The following ACACA variants were observed in gnomAD, a reference collection of about 807,000 sequenced individuals.
The protein encoded by ACACA is acetyl-CoA carboxylase 1.
A neutral mutation model predicts 296.1 loss-of-function variants in ACACA; 103 were observed. That is an observed-to-expected ratio of 0.35 (90% CI 0.30 to 0.41). The LOEUF (loss-of-function observed/expected upper bound fraction) is 0.41. Among genes scored for constraint, ACACA ranks in the 10% least tolerant of loss-of-function variants. The probability of loss-of-function intolerance (pLI) is 1.00; values close to 1 mark genes in which losing one functional copy is unlikely to be tolerated. For missense variants in ACACA, 1,554 were observed against 2,989.7 expected, an observed-to-expected ratio of 0.52 and a Z score of 11.20; for synonymous variants, 953 against 1,038.6, an observed-to-expected ratio of 0.92 and a Z score of 1.58.
intron 1 of ACACA, among the ~76,000 whole-genome samples, chr17:37,349,027 G>A (rs1035046522): frequency 6.6e-5 from 10 of 151,226 alleles, no homozygotes; most frequent in African/African-American, 2.4e-4. Flanking sequence ...TTGGATAAAG[G>A]GTTTTCAGAA....
chr17:37,357,066 T>A (rs2049176348), intron 1 of ACACA, among the ~76,000 whole-genome samples: 1 of 152,234 alleles, frequency 6.6e-6, no homozygotes, highest in Non-Finnish European at 1.5e-5. Context: ...GCTTTCACAA[T>A]ACCAGGTCTT....
intron 1 of ACACA, among the ~76,000 whole-genome samples, chr17:37,360,676 T>TA (rs1204056973): frequency 1.3e-5 from 2 of 150,488 alleles, no homozygotes; most frequent in Non-Finnish European, 3.0e-5. Context: ...ACCCCATCTC[T>TA]AAATAAATAA....
Position 37,202,858 on chromosome 17 carries a change from A to G in ACACA, c.4057-2375T>C, listed in dbSNP as rs534201285. 3.0e-4 allele frequency among the ~76,000 whole-genome samples: 46 copies of G among 151,314 alleles called. 1 individual carries two copies. The South Asian group carries it at 9.4e-3, about 31-fold the overall frequency. ...TTTCTAAATAGCCTTAGGCAAAGAT[A>G]TTGGATTTCTCTGTGCCTTAGTTTC... On this transcript the variant is annotated intron_variant, in intron 33 of 55. Transcript: ENST00000616317.
chr17:37,109,993 C>T (rs1049022459), intron 52 of ACACA, among the ~76,000 whole-genome samples: 5 of 150,956 alleles, frequency 3.3e-5, no homozygotes, highest in East Asian at 1.9e-4. Flanking sequence ...AAATGGAGTG[C>T]GCGAAATATC....
intron 11 of ACACA, among the ~76,000 whole-genome samples, chr17:37,263,376 A>G (rs540294852): frequency 6.6e-6 from 1 of 152,346 alleles, no homozygotes; most frequent in Admixed American, 6.5e-5. Flanking sequence ...CTACCTGATT[A>G]TGAGCCTCTT....
intron 3 of ACACA, among the ~76,000 whole-genome samples, chr17:37,315,087 T>A (rs1289617045): frequency 6.6e-6 from 1 of 150,558 alleles, no homozygotes; most frequent in Admixed American, 6.7e-5. Context: ...GCCTCCCGAG[T>A]AGCTGGGATT....
intron 1 of ACACA, chr17:37,378,073 T>C: frequency 1.9e-6 from 2 of 1,031,184 alleles, no homozygotes; most frequent in Non-Finnish European, 2.9e-6. Flanking sequence ...AAATATCCTA[T>C]TTTAAGGATA....
intron 3 of ACACA, 61 bp from the exon 4 acceptor site, chr17:37,285,031 T>C: frequency 1.9e-6 from 3 of 1,597,298 alleles, no homozygotes; most frequent in Non-Finnish European, 2.6e-6. Flanking sequence ...TGCTTTTCAC[T>C]ACCATACCCA....
chr17:37,285,202 T>C (rs2082712260), intron 3 of ACACA, among the ~76,000 whole-genome samples: 3 of 152,200 alleles, frequency 2.0e-5, no homozygotes, highest in South Asian at 4.1e-4. Context: ...TACCAGCAGA[T>C]GCCATCACAA....
intron 3 of ACACA, among the ~76,000 whole-genome samples, chr17:37,309,712 G>A (rs2084043460): frequency 6.6e-6 from 1 of 152,056 alleles, no homozygotes; most frequent in African/African-American, 2.4e-5. Context: ...GCAAATGGAA[G>A]TTGACAGAAG....
At chr17:37,349,715 C>T (rs1385740995) in intron 1 of ACACA, among the ~76,000 whole-genome samples, 1 of 151,588 alleles carries the variant, frequency 6.6e-6, no homozygotes, top group Non-Finnish European at 1.5e-5. Flanking sequence ...CACCACTTCA[C>T]CCAGCTAGTT....
At chr17:37,285,177 G>T (rs1443636446) in intron 3 of ACACA, among the ~76,000 whole-genome samples, 3 of 152,114 alleles carry the variant, frequency 2.0e-5, no homozygotes, top group African/African-American at 7.2e-5. Flanking sequence ...AATAATAAAA[G>T]ATAATATCAA....
chr17:37,198,825 G>C (rs1007175085), intron 35 of ACACA, among the ~76,000 whole-genome samples: 1 of 152,160 alleles, frequency 6.6e-6, no homozygotes. Context: ...AAACAAAAAG[G>C]TAATAAAAGC....
At chr17:37,296,585 A>G (rs1037935172) in intron 3 of ACACA, among the ~76,000 whole-genome samples, 1 of 151,866 alleles carries the variant, frequency 6.6e-6, no homozygotes, top group Non-Finnish European at 1.5e-5. Flanking sequence ...GATTACAGGC[A>G]TGAGCCACCA....
intron 41 of ACACA, among the ~76,000 whole-genome samples, chr17:37,176,233 C>T (rs2077110206): frequency 6.6e-6 from 1 of 152,134 alleles, no homozygotes; most frequent in South Asian, 2.1e-4. Flanking sequence ...CTCCTTACAT[C>T]CATGTGCTAG....
intron 45 of ACACA, among the ~76,000 whole-genome samples, chr17:37,133,450 G>A (rs1975909322): frequency 6.6e-6 from 1 of 152,116 alleles, no homozygotes; most frequent in Non-Finnish European, 1.5e-5. Flanking sequence ...ATCTGGGTTA[G>A]GATAAAATCC....
chr17:37,365,615 A>G, intron 1 of ACACA: 1 of 985,442 alleles, frequency 1.0e-6, no homozygotes, highest in Non-Finnish European at 1.2e-6. Context: ...AAAATAAGAC[A>G]CAAAGTCCTT....
intron 1 of ACACA, among the ~76,000 whole-genome samples, chr17:37,388,209 C>T (rs2050633845): frequency 6.6e-6 from 1 of 152,028 alleles, no homozygotes; most frequent in Non-Finnish European, 1.5e-5. Context: ...GACCCAGAAG[C>T]AGTGCTAATT....
At chr17:37,227,878 A>T (rs909472859) in intron 25 of ACACA, among the ~76,000 whole-genome samples, 43 of 148,238 alleles carry the variant, frequency 2.9e-4, no homozygotes, top group African/African-American at 7.9e-4. Context: ...AAAAAAAAAA[A>T]TTTTTTTTAA....
Sources: gnomAD v4.1 joint callset for allele counts (sites outside exome capture counted in the v4.1 genomes callset) on GRCh38, gnomAD v4.1.1 for gene constraint, MANE v1.5 for transcripts, NCBI Gene and HGNC (gene_info 2026-07-23, HGNC 2026-07-21) for gene names.